Variants in KCNH1 observed in about 807,000 individuals in gnomAD.
KCNH1 encodes potassium voltage-gated channel subfamily H member 1, also known as voltage-gated delayed rectifier potassium channel KCNH1.
A neutral mutation model predicts 69.2 loss-of-function variants in KCNH1; 27 were observed. That is an observed-to-expected ratio of 0.39 (90% confidence interval 0.29 to 0.54). KCNH1 has a LOEUF of 0.54. Among genes scored for constraint, KCNH1 ranks in the 20% least tolerant of loss-of-function variants. The pLI, the probability that KCNH1 is intolerant of heterozygous loss-of-function variation, is 0.68. For synonymous variants in KCNH1, 456 were observed against 487.7 expected (o/e 0.93, Z 0.86); for missense variants, 798 against 1,261.6 (o/e 0.63, Z 5.57).
At chr1:211,004,675 G>A (rs1411881554) in intron 6 of KCNH1, among the ~76,000 whole-genome samples, 2 of 152,226 alleles carry the variant, frequency 1.3e-5, no homozygotes, top group East Asian at 1.9e-4. Context: ...TAATAAAGGT[G>A]ATGAATTAAA....
intron 10 of KCNH1, among the ~76,000 whole-genome samples, chr1:210,700,239 G>T (rs1323130847): frequency 6.6e-6 from 1 of 152,232 alleles, no homozygotes; most frequent in African/African-American, 2.4e-5. Context: ...GCTTATGGAA[G>T]CACTGAGCAG....
chr1:211,100,566 G>A (rs936549817), intron 3 of KCNH1, among the ~76,000 whole-genome samples: 1 of 152,138 alleles, frequency 6.6e-6, no homozygotes, highest in Admixed American at 6.5e-5. Context: ...GGCCAGGCTG[G>A]TCTCAAACTC....
At chr1:211,083,067 TTG>T (rs1465830588) in intron 4 of KCNH1, among the ~76,000 whole-genome samples, 169 bp from the exon 5 acceptor site, 3 of 152,222 alleles carry the variant, frequency 2.0e-5, no homozygotes, top group African/African-American at 7.2e-5. Context: ...GTAAAGCACC[TTG>T]TGTGTCGCAA....
intron 7 of KCNH1, among the ~76,000 whole-genome samples, chr1:210,905,650 C>T (rs1472498608): frequency 6.6e-6 from 1 of 150,580 alleles, no homozygotes; most frequent in African/African-American, 2.5e-5. Context: ...TCTTTCATCT[C>T]AGGGGAAAAA....
chr1:210,948,444 G>A (rs1356297478), intron 6 of KCNH1, among the ~76,000 whole-genome samples: 3 of 152,108 alleles, frequency 2.0e-5, no homozygotes, highest in African/African-American at 7.2e-5. Flanking sequence ...AACATTTTCT[G>A]TAGAGGGCCA....
intron 5 of KCNH1, among the ~76,000 whole-genome samples, chr1:211,053,450 C>T (rs1690244536): frequency 6.6e-6 from 1 of 152,096 alleles, no homozygotes; most frequent in Non-Finnish European, 1.5e-5. Flanking sequence ...TGAGGGGAGG[C>T]CACAAGCTCC....
intron 10 of KCNH1, among the ~76,000 whole-genome samples, chr1:210,714,114 T>G (rs1455071168): frequency 6.6e-6 from 1 of 152,136 alleles, no homozygotes; most frequent in African/African-American, 2.4e-5. Flanking sequence ...CTAGAGAGTA[T>G]GGAGAGAGGC....
At chr1:211,129,354 A>G (rs146044053) in intron 1 of KCNH1, among the ~76,000 whole-genome samples, 46 of 152,380 alleles carry the variant, frequency 3.0e-4, no homozygotes, top group African/African-American at 1.1e-3. Context: ...CAGAGCTGGC[A>G]TCGGAAACAA....
intron 7 of KCNH1, among the ~76,000 whole-genome samples, chr1:210,872,106 A>G (rs1252008554): frequency 6.6e-6 from 1 of 151,630 alleles, no homozygotes; most frequent in African/African-American, 2.4e-5. Context: ...CGGCTATGGA[A>G]AAGAAAAACA....
chr1:210,844,358 T>C (rs1042013759), intron 7 of KCNH1, among the ~76,000 whole-genome samples: 2 of 152,020 alleles, frequency 1.3e-5, no homozygotes, highest in Admixed American at 6.6e-5. Flanking sequence ...CTGTCTCTAC[T>C]AAAAATACAA....
intron 6 of KCNH1, among the ~76,000 whole-genome samples, chr1:210,937,738 G>C (rs995543338): frequency 1.3e-5 from 2 of 152,068 alleles, no homozygotes; most frequent in African/African-American, 4.8e-5. Context: ...AAAGCTCTGT[G>C]AGTTCCTAAC....
At chr1:210,911,281 C>T (rs184651221) in intron 7 of KCNH1, among the ~76,000 whole-genome samples, 411 of 152,214 alleles carry the variant, frequency 2.7e-3, no homozygotes, top group Non-Finnish European at 5.0e-3. Context: ...GGGGAGACAC[C>T]CTGCACATGT....
chr1:211,063,106 A>C (rs1690460427), intron 5 of KCNH1, among the ~76,000 whole-genome samples: 1 of 152,264 alleles, frequency 6.6e-6, no homozygotes, highest in Non-Finnish European at 1.5e-5. Flanking sequence ...GTACACATAC[A>C]CAATGGAATA....
At chr1:211,100,306 T>A (rs899792984) in intron 3 of KCNH1, among the ~76,000 whole-genome samples, 1 of 152,162 alleles carries the variant, frequency 6.6e-6, no homozygotes, top group Admixed American at 6.5e-5. Context: ...TGACTGGCCC[T>A]TCCTAGTCTC....
intron 7 of KCNH1, among the ~76,000 whole-genome samples, chr1:210,831,004 C>T (rs940792605): frequency 1.3e-5 from 2 of 152,174 alleles, no homozygotes; most frequent in African/African-American, 4.8e-5. Context: ...AGTTTTCAGG[C>T]ACACTGTCAT....
chr1:211,094,327 C>T (rs1397648832), intron 3 of KCNH1, among the ~76,000 whole-genome samples: 1 of 152,162 alleles, frequency 6.6e-6, no homozygotes, highest in Admixed American at 6.5e-5. Context: ...AGCTGTCGCT[C>T]ACCTCCTGCT....
intron 7 of KCNH1, chr1:210,859,223 A>G (rs1317332336): frequency 1.9e-5 from 31 of 1,612,290 alleles, no homozygotes; most frequent in Admixed American, 5.0e-5. Flanking sequence ...ACTTGGCACA[A>G]CTGGAGCACT....
Position 210,956,536 on chromosome 1 carries a change from GTT to G in KCNH1, c.1033-36469_1033-36468del, listed in dbSNP as rs770358496. On this transcript the variant is annotated intron_variant, in intron 6 of 10. Transcript: ENST00000271751. ...AGCTGTGAATCTGTCTGGTCCTGGA[GTT>G]TTTTTTTTTTTTTTTTGGAGGGTAG... 7.9e-4 allele frequency among the ~76,000 whole-genome samples: 97 copies of G among 122,252 alleles called. 1 individual carries two copies. The highest frequency in any genetic ancestry group is 4.2e-3 in the Middle Eastern group (1 of 240). The allele number at this position is 122,252 out of a possible 152,430, so 80.2% of individuals were successfully genotyped here.
At chr1:211,066,008 A>G (rs1690522399) in intron 5 of KCNH1, among the ~76,000 whole-genome samples, 1 of 152,160 alleles carries the variant, frequency 6.6e-6, no homozygotes, top group Non-Finnish European at 1.5e-5. Flanking sequence ...CCAGTGAGTC[A>G]TGACCACACC....
Sources: gnomAD v4.1 joint callset for allele counts (sites outside exome capture counted in the v4.1 genomes callset) on GRCh38, gnomAD v4.1.1 for gene constraint, MANE v1.5 for transcripts, NCBI Gene and HGNC (gene_info 2026-07-23, HGNC 2026-07-21) for gene names.